Variants in IMMP2L observed in about 807,000 individuals in gnomAD.
The protein encoded by IMMP2L is inner mitochondrial membrane peptidase subunit 2, also known as mitochondrial inner membrane protease subunit 2.
A neutral mutation model predicts 19.3 loss-of-function variants in IMMP2L; 18 were observed. That is an observed-to-expected ratio of 0.93 (90% CI 0.64 to 1.38). The LOEUF is 1.38. Among genes scored for constraint, IMMP2L ranks in the 40% most tolerant of loss-of-function variants. The probability of loss-of-function intolerance (pLI) is 0.00; values close to 1 mark genes in which losing one functional copy is unlikely to be tolerated. For missense variants in IMMP2L, 233 were observed against 218.2 expected (o/e 1.07, Z -0.43); for synonymous variants, 76 against 73.0 (o/e 1.04, Z -0.21).
intron 5 of IMMP2L, among the ~76,000 whole-genome samples, chr7:110,815,324 T>A (rs935170261): frequency 7.9e-5 from 12 of 152,104 alleles, no homozygotes; most frequent in African/African-American, 7.2e-5. Flanking sequence ...GCCCACTTGA[T>A]CATGGTGGAT....
At chr7:111,155,421 T>C (rs1804529817) in intron 3 of IMMP2L, among the ~76,000 whole-genome samples, 1 of 152,128 alleles carries the variant, frequency 6.6e-6, no homozygotes, top group Admixed American at 6.6e-5. Context: ...ATATACTATT[T>C]AGATCTTCTC....
intron 4 of IMMP2L, among the ~76,000 whole-genome samples, chr7:110,929,430 C>T (rs1412338311): frequency 6.6e-6 from 1 of 152,142 alleles, no homozygotes; most frequent in Admixed American, 6.5e-5. Flanking sequence ...GATAGTTCCA[C>T]CCACTGTCAC....
chr7:111,461,055 G>C (rs1265386124), intron 3 of IMMP2L, among the ~76,000 whole-genome samples: 1 of 151,994 alleles, frequency 6.6e-6, no homozygotes, highest in African/African-American at 2.4e-5. Context: ...CTTTAGGTAT[G>C]GTATTCCATC....
At chr7:111,357,075 C>A (rs1183098427) in intron 3 of IMMP2L, among the ~76,000 whole-genome samples, 1 of 152,082 alleles carries the variant, frequency 6.6e-6, no homozygotes, top group African/African-American at 2.4e-5. Context: ...TGGTACAGTA[C>A]TTTATAAACT....
intron 3 of IMMP2L, among the ~76,000 whole-genome samples, chr7:111,083,348 C>G (rs535385014): frequency 3.9e-4 from 60 of 152,282 alleles, no homozygotes; most frequent in African/African-American, 1.4e-3. Context: ...TACCTTCACA[C>G]TATGTTAATC....
At chr7:110,741,119 A>G (rs1261740455) in intron 5 of IMMP2L, among the ~76,000 whole-genome samples, 1 of 152,168 alleles carries the variant, frequency 6.6e-6, no homozygotes, top group African/African-American at 2.4e-5. Context: ...GATAAAGAAA[A>G]TGTTTATATA....
Position 111,488,725 on chromosome 7 carries a change from A to C in IMMP2L, c.136-1384T>G, listed in dbSNP as rs984682869. 2.6e-5 allele frequency among the ~76,000 whole-genome samples: 4 copies of C among 152,052 alleles called. No homozygotes were observed. In the East Asian group the frequency reaches 7.7e-4, roughly 29 times the overall value. Reference sequence around the variant, plus strand: ...CTCTGGGTAGATACCTAGTATTGCTAGGGACTGCTGGATCAAACGGTTGAT... The same window carrying C: ...CTCTGGGTAGATACCTAGTATTGCTCGGGACTGCTGGATCAAACGGTTGAT... On this transcript the variant is annotated intron_variant, in intron 2 of 5. Transcript: ENST00000405709.
At chr7:111,129,153 T>C (rs1044851586) in intron 3 of IMMP2L, among the ~76,000 whole-genome samples, 1 of 151,990 alleles carries the variant, frequency 6.6e-6, no homozygotes, top group Non-Finnish European at 1.5e-5. Flanking sequence ...TATGCATGTA[T>C]TAAGGAGTGA....
chr7:111,032,993 G>A (rs1003497837), intron 3 of IMMP2L, among the ~76,000 whole-genome samples: 3 of 151,970 alleles, frequency 2.0e-5, no homozygotes, highest in Admixed American at 6.6e-5. Context: ...GGTGGCATGT[G>A]CCTATAATCC....
At chr7:110,884,314 A>G (rs1809991958) in intron 5 of IMMP2L, among the ~76,000 whole-genome samples, 1 of 152,016 alleles carries the variant, frequency 6.6e-6, no homozygotes, top group Admixed American at 6.6e-5. Context: ...TACTGAGAGA[A>G]ATGCTTAGAA....
intron 1 of IMMP2L, among the ~76,000 whole-genome samples, chr7:111,557,875 T>C (rs945432225): frequency 1.3e-5 from 2 of 151,624 alleles, no homozygotes; most frequent in South Asian, 2.1e-4. Flanking sequence ...TACGAGTCAA[T>C]GAAAGAACAA....
intron 3 of IMMP2L, among the ~76,000 whole-genome samples, chr7:111,470,396 A>C (rs1194889260): frequency 6.6e-6 from 1 of 152,068 alleles, no homozygotes; most frequent in Non-Finnish European, 1.5e-5. Flanking sequence ...AAGGACTATA[A>C]ATCATGCTGC....
intron 3 of IMMP2L, among the ~76,000 whole-genome samples, chr7:111,254,361 G>T (rs952457309): frequency 6.6e-6 from 1 of 152,026 alleles, no homozygotes; most frequent in Non-Finnish European, 1.5e-5. Context: ...CTGCAAAGGG[G>T]AAAGTTTACA....
At chr7:111,055,279 T>C (rs1052537665) in intron 3 of IMMP2L, among the ~76,000 whole-genome samples, 1 of 152,048 alleles carries the variant, frequency 6.6e-6, no homozygotes, top group Non-Finnish European at 1.5e-5. Context: ...CTTTATGGAA[T>C]GTTCCTGCCT....
At chr7:111,404,414 A>G (rs914113496) in intron 3 of IMMP2L, among the ~76,000 whole-genome samples, 3 of 152,152 alleles carry the variant, frequency 2.0e-5, no homozygotes. Context: ...ATTCAAATGT[A>G]ATAGACACAT....
At chr7:110,830,740 TTTTTA>T (rs1307351290) in intron 5 of IMMP2L, among the ~76,000 whole-genome samples, 1 of 152,136 alleles carries the variant, frequency 6.6e-6, no homozygotes, top group African/African-American at 2.4e-5. Flanking sequence ...CCTCTTTTTC[TTTTTA>T]TTTTCTCTCT....
At chr7:110,935,019 G>A (rs1815929623) in intron 4 of IMMP2L, among the ~76,000 whole-genome samples, 1 of 152,138 alleles carries the variant, frequency 6.6e-6, no homozygotes, top group Admixed American at 6.6e-5. Flanking sequence ...ATTTTTATGT[G>A]TGAATTTGAT....
In IMMP2L at chr7:110,757,112, T is replaced by C. The variant is rs1460474003; in HGVS notation, c.409-93391A>G. 2.0e-5 allele frequency among the ~76,000 whole-genome samples: 3 copies of C among 151,994 alleles called. No homozygotes were observed. Among genetic ancestry groups the C allele is most frequent in the Non-Finnish European group, 2.9e-5 (2 of 67,992 alleles). Reference sequence around the variant, plus strand: ...TAACAAACCAAATAAATAAGTTAAATGATATAGCATGTTAGTTAGATTGAA... The same window carrying C: ...TAACAAACCAAATAAATAAGTTAAACGATATAGCATGTTAGTTAGATTGAA... On this transcript the variant is annotated intron_variant, in intron 5 of 5. Transcript: ENST00000405709. This position sits in a 1 kb window ranked among gnomAD's most constrained non-coding sequence, Gnocchi z 4.2.
intron 4 of IMMP2L, among the ~76,000 whole-genome samples, chr7:110,919,953 G>T (rs933917524): frequency 6.6e-6 from 1 of 152,142 alleles, no homozygotes; most frequent in Admixed American, 6.5e-5. Flanking sequence ...TGAAGACTTG[G>T]CTTGCTGAGT....
Sources: allele counts gnomAD v4.1 joint callset (sites outside exome capture counted in the v4.1 genomes callset), GRCh38; gene constraint gnomAD v4.1.1; non-coding constraint Gnocchi (gnomAD v3.1); transcripts MANE v1.5; gene names NCBI Gene and HGNC (gene_info 2026-07-23, HGNC 2026-07-21).